The following RIC1 variants were observed in gnomAD, a reference collection of about 807,000 sequenced individuals.
RIC1 encodes RIC1 partner of RAB6A GEF complex.
RIC1 carries 88 observed loss-of-function variants against 169.0 expected under a neutral mutation model. The ratio of observed to expected loss-of-function variants is 0.52; its 90% CI spans 0.44 to 0.62. The LOEUF (loss-of-function observed/expected upper bound fraction) is 0.62. RIC1 is among the 20% of genes least tolerant of loss of function. RIC1 has a pLI of 0.00. For synonymous variants in RIC1, 790 were observed against 601.5 expected (o/e 1.31, Z -4.59); for missense variants, 1,877 against 1,725.5 (o/e 1.09, Z -1.56).
intron 3 of RIC1, among the ~76,000 whole-genome samples, chr9:5,700,089 C>G (rs1308432825): frequency 6.6e-6 from 1 of 151,996 alleles, no homozygotes; most frequent in African/African-American, 2.4e-5. Flanking sequence ...CCCACCCAAC[C>G]CCACCAAGTT....
chr9:5,662,646 C>T (rs910657562), intron 2 of RIC1, among the ~76,000 whole-genome samples: 16 of 152,126 alleles, frequency 1.1e-4, no homozygotes, highest in African/African-American at 3.9e-4. Flanking sequence ...ATAGTATTCT[C>T]TGATGATTGT....
At chr9:5,761,506 T>A (rs901227414) in intron 17 of RIC1, among the ~76,000 whole-genome samples, 3 of 152,184 alleles carry the variant, frequency 2.0e-5, no homozygotes, top group Non-Finnish European at 4.4e-5. Flanking sequence ...TTAAGAATTT[T>A]TTTTTATTTT....
chr9:5,747,188 A>T lies in RIC1; in HGVS notation c.1249-114A>T. 1.1e-5 allele frequency: 8 copies of T among 735,200 alleles called. No homozygotes were observed. The South Asian group carries it at 1.4e-4, about 13-fold the overall frequency. The allele number at this position is 735,200 out of a possible 1,614,324, so 45.5% of individuals were successfully genotyped here. ...GTGAAGAAAATCAACATCGAGATAC[A>T]TGTACATTTCCTATAATAAAACTAA... On this transcript the variant is annotated intron_variant, in intron 11 of 25. Transcript: ENST00000414202.
chr9:5,720,523 C>T, intron 5 of RIC1, 91 bp from the exon 6 acceptor site: 2 of 1,302,396 alleles, frequency 1.5e-6, no homozygotes, highest in Non-Finnish European at 1.0e-6. Context: ...TTATTTTTAC[C>T]CTTTTAAACT....
chr9:5,640,173 G>A (rs1034596783), intron 1 of RIC1, among the ~76,000 whole-genome samples: 5 of 152,100 alleles, frequency 3.3e-5, no homozygotes, highest in Non-Finnish European at 7.4e-5. Flanking sequence ...TTTTAGTGAA[G>A]GTGGTTTTCT....
At chr9:5,684,074 C>T (rs1488914516) in intron 2 of RIC1, among the ~76,000 whole-genome samples, 1 of 152,128 alleles carries the variant, frequency 6.6e-6, no homozygotes, top group Admixed American at 6.6e-5. Flanking sequence ...AAGGGAATTC[C>T]CTGACCCCTT....
chr9:5,751,166 G>A (rs1447373894), intron 12 of RIC1, among the ~76,000 whole-genome samples: 1 of 151,650 alleles, frequency 6.6e-6, no homozygotes, highest in Non-Finnish European at 1.5e-5. Flanking sequence ...GAAACACCAA[G>A]GTTTGAGGGA....
At chr9:5,681,020 G>T (rs1045797076) in intron 2 of RIC1, among the ~76,000 whole-genome samples, 2 of 150,624 alleles carry the variant, frequency 1.3e-5, no homozygotes, top group African/African-American at 4.9e-5. Context: ...TAGAGACGGG[G>T]TTTCACCTTG....
intron 17 of RIC1, among the ~76,000 whole-genome samples, chr9:5,757,754 T>C (rs1826090254): frequency 6.6e-6 from 1 of 152,198 alleles, no homozygotes; most frequent in Non-Finnish European, 1.5e-5. Context: ...ATCATTTAAA[T>C]TAAAACTAGG....
At chr9:5,679,204 A>G (rs1820649923) in intron 2 of RIC1, among the ~76,000 whole-genome samples, 3 of 152,050 alleles carry the variant, frequency 2.0e-5, no homozygotes, top group South Asian at 4.1e-4. Context: ...ATTGGTCTAT[A>G]TCTCTGTTTT....
chr9:5,770,794 C>G (rs1470811171), intron 23 of RIC1, among the ~76,000 whole-genome samples: 3 of 152,258 alleles, frequency 2.0e-5, no homozygotes, highest in African/African-American at 7.2e-5. Context: ...GCCTTAAAAG[C>G]TTGTAGTATT....
intron 3 of RIC1, among the ~76,000 whole-genome samples, chr9:5,701,570 G>C (rs1822222602): frequency 6.6e-6 from 1 of 150,830 alleles, no homozygotes; most frequent in South Asian, 2.1e-4. Context: ...CTCCAGCCTG[G>C]GTGACAGAGC....
At chr9:5,715,231 A>T (rs1823159524) in intron 4 of RIC1, among the ~76,000 whole-genome samples, 1 of 152,220 alleles carries the variant, frequency 6.6e-6, no homozygotes, top group Admixed American at 6.5e-5. Flanking sequence ...ATACATAAGG[A>T]ATTCTGAGTG....
At chr9:5,653,764 A>C (rs1482199829) in intron 1 of RIC1, among the ~76,000 whole-genome samples, 1 of 151,620 alleles carries the variant, frequency 6.6e-6, no homozygotes, top group Non-Finnish European at 1.5e-5. Flanking sequence ...CGCCCGGCTA[A>C]TTTTTGTATT....
At chr9:5,682,408 T>A (rs909191341) in intron 2 of RIC1, among the ~76,000 whole-genome samples, 3 of 152,202 alleles carry the variant, frequency 2.0e-5, no homozygotes, top group Non-Finnish European at 4.4e-5. Flanking sequence ...TATTTCTCTT[T>A]CACTTATGAA....
chr9:5,707,719 T>C (rs551290955), intron 3 of RIC1, among the ~76,000 whole-genome samples: 129 of 152,204 alleles, frequency 8.5e-4, no homozygotes, highest in African/African-American at 3.1e-3. Flanking sequence ...ACTATTTGCA[T>C]GGAATATATT....
At chr9:5,648,031 G>A (rs778707266) in intron 1 of RIC1, among the ~76,000 whole-genome samples, 19 of 151,912 alleles carry the variant, frequency 1.3e-4, no homozygotes, top group East Asian at 9.7e-4. Flanking sequence ...TGCCCAGGCC[G>A]GAGTGCAATG....
chr9:5,770,471 G>A (rs1827133795), intron 23 of RIC1, among the ~76,000 whole-genome samples, 193 bp downstream of exon 23: 2 of 152,256 alleles, frequency 1.3e-5, no homozygotes, highest in South Asian at 2.1e-4. Flanking sequence ...TTTATTTTAT[G>A]TGAACAAAAT....
At chr9:5,747,680 C>T (rs372489466) in intron 12 of RIC1, among the ~76,000 whole-genome samples, 175 bp downstream of exon 12, 15 of 152,220 alleles carry the variant, frequency 9.9e-5, no homozygotes, top group Non-Finnish European at 1.9e-4. Context: ...TCCCTCCTTT[C>T]TTTCCACTTG....
Sources: allele counts gnomAD v4.1 joint callset (sites outside exome capture counted in the v4.1 genomes callset), GRCh38; gene constraint gnomAD v4.1.1; transcripts MANE v1.5; gene names NCBI Gene and HGNC (gene_info 2026-07-23, HGNC 2026-07-21).